The following DLGAP1 variants were observed in gnomAD, a reference collection of about 807,000 sequenced individuals.
DLGAP1 encodes the protein DLG associated protein 1.
Under a neutral mutation model 90.8 loss-of-function variants are expected in DLGAP1, and 11 were observed. That is an observed-to-expected ratio of 0.12 (90% CI 0.08 to 0.20). DLGAP1 has a LOEUF of 0.20. Ranked by LOEUF, DLGAP1 falls within the 10% of genes least tolerant of loss-of-function variation. The probability of loss-of-function intolerance (pLI) is 1.00; values close to 1 mark genes in which losing one functional copy is unlikely to be tolerated. For synonymous variants in DLGAP1, 558 were observed against 540.7 expected, an observed-to-expected ratio of 1.03 and a Z score of -0.44; for missense variants, 1,050 against 1,333.8, an observed-to-expected ratio of 0.79 and a Z score of 3.31.
intron 2 of DLGAP1, among the ~76,000 whole-genome samples, chr18:4,065,811 G>GA (rs886610674): frequency 1.1e-4 from 17 of 150,200 alleles, no homozygotes; most frequent in East Asian, 2.0e-4. Context: ...TGCAGAACTA[G>GA]AAAAAAAAAT....
chr18:3,611,468 T>C (rs892637389), intron 7 of DLGAP1, among the ~76,000 whole-genome samples: 1 of 152,106 alleles, frequency 6.6e-6, no homozygotes, highest in South Asian at 2.1e-4. Context: ...ACGGCAGCTG[T>C]CTCCAGATTC....
intron 7 of DLGAP1, among the ~76,000 whole-genome samples, chr18:3,690,105 T>G (rs552011408): frequency 1.9e-5 from 2 of 105,538 alleles, no homozygotes; most frequent in Non-Finnish European, 4.0e-5. Context: ...TTTTTTTTTT[T>G]TTTTTTTTTT....
At chr18:4,266,750 T>C (rs1208150238) in intron 1 of DLGAP1, among the ~76,000 whole-genome samples, 1 of 152,206 alleles carries the variant, frequency 6.6e-6, no homozygotes, top group Non-Finnish European at 1.5e-5. Context: ...TACATCCATG[T>C]CTTATGACAA....
At chr18:3,518,852 G>C (rs1299592627) in intron 10 of DLGAP1, among the ~76,000 whole-genome samples, 1 of 152,186 alleles carries the variant, frequency 6.6e-6, no homozygotes, top group African/African-American at 2.4e-5. Context: ...AAAAGGACAT[G>C]ATTTCTCCTG....
At chr18:4,201,871 T>C (rs543929041) in intron 1 of DLGAP1, among the ~76,000 whole-genome samples, 8 of 152,214 alleles carry the variant, frequency 5.3e-5, no homozygotes, top group Non-Finnish European at 2.9e-5. Context: ...TATATACTAT[T>C]AGGGGAATGT....
chr18:4,344,120 A>G (rs1314624645), intron 1 of DLGAP1, among the ~76,000 whole-genome samples: 2 of 152,240 alleles, frequency 1.3e-5, no homozygotes, highest in Non-Finnish European at 2.9e-5. Context: ...AACATCAGCA[A>G]TCATACCAGA....
chr18:3,738,180 G>A (rs375470275), intron 6 of DLGAP1, among the ~76,000 whole-genome samples: 3 of 149,436 alleles, frequency 2.0e-5, no homozygotes, highest in South Asian at 4.2e-4. Flanking sequence ...AATCAATATC[G>A]TGAAAATGGC....
intron 5 of DLGAP1, among the ~76,000 whole-genome samples, chr18:3,773,454 AG>A (rs1462562232): frequency 6.6e-6 from 1 of 152,238 alleles, no homozygotes; most frequent in Non-Finnish European, 1.5e-5. Context: ...AGTACCCTCT[AG>A]GAACAAAATG....
intron 5 of DLGAP1, among the ~76,000 whole-genome samples, chr18:3,797,282 C>T (rs762525903): frequency 2.0e-5 from 3 of 151,260 alleles, no homozygotes; most frequent in Non-Finnish European, 4.4e-5. Flanking sequence ...GCCGGGATCG[C>T]GCCACTGCAC....
At chr18:3,621,154 G>A (rs2058083996) in intron 7 of DLGAP1, among the ~76,000 whole-genome samples, 1 of 152,166 alleles carries the variant, frequency 6.6e-6, no homozygotes, top group African/African-American at 2.4e-5. Flanking sequence ...TGTAGTCCCA[G>A]CACTTTGGGA....
Position 3,879,599 on chromosome 18 carries a change from C to A in DLGAP1, c.470G>T (p.Gly157Val), listed in dbSNP as rs1257398942. 1 of 1,601,760 alleles carries A rather than the reference C, an allele frequency of 6.2e-7. No homozygotes were observed. The highest frequency in any genetic ancestry group is 8.5e-7 in the Non-Finnish European group (1 of 1,178,022). Residue 157 changes from glycine to valine, a missense_variant, in exon 4 of 13, where the codon GGG (glycine) becomes GTG (valine). This residue lies in a region of DLGAP1 where 485 missense variants were observed against 454.1 expected (regional missense o/e 1.07). Transcript: ENST00000315677. The surrounding 1 kb of genome is among the most constrained non-coding windows in gnomAD (Gnocchi z 6.6). ...CCCGTTGACGCTGCCCTTGGACGGCCCCTCCAGGGAGTGCGACTTGGTGAA... is the reference window on the plus strand; with the variant it reads ...CCCGTTGACGCTGCCCTTGGACGGCACCTCCAGGGAGTGCGACTTGGTGAA... ...KLFTKSHSLE[G>V]PSKGSVNGGK...
At chr18:3,862,954 T>C (rs1275850597) in intron 4 of DLGAP1, among the ~76,000 whole-genome samples, 1 of 152,226 alleles carries the variant, frequency 6.6e-6, no homozygotes, top group Non-Finnish European at 1.5e-5. Flanking sequence ...CTCTAATCAC[T>C]GGGACATCAC....
chr18:3,537,997 A>C lies in DLGAP1; in HGVS notation c.2058-3382T>G, dbSNP rs112706147. ...ATACACCAGATTATGTGGGATTTTA[A>C]AAAACTATCCTGGACTATGCTCTTG... is the stretch of plus-strand genomic sequence containing the variant. On this transcript the variant is annotated intron_variant, in intron 9 of 12. Coordinates refer to ENST00000315677, the MANE Select transcript of DLGAP1 (RefSeq NM_004746.4). Among the ~76,000 whole-genome samples, 6 of 152,342 alleles carry C rather than the reference A, an allele frequency of 3.9e-5. 1 individual carries two copies. The highest frequency in any genetic ancestry group is 1.2e-4 in the African/African-American group (5 of 41,572).
intron 3 of DLGAP1, among the ~76,000 whole-genome samples, chr18:3,923,546 GTTTTTATGTAGCCAAATTTATAAATA>G (rs1346627320): frequency 6.6e-6 from 1 of 151,828 alleles, no homozygotes; most frequent in African/African-American, 2.4e-5. Context: ...CTTGTTTGTT[GTTTTTATGTAGCCAAATTTATAAATA>G]TTTTACTTCA....
At chr18:4,391,035 C>T (rs1345562017) in intron 1 of DLGAP1, among the ~76,000 whole-genome samples, 1 of 152,086 alleles carries the variant, frequency 6.6e-6, no homozygotes, top group Non-Finnish European at 1.5e-5. Flanking sequence ...TTAGCCTATC[C>T]CGATTGACAC....
chr18:4,088,433 G>GCA (rs1227134105), intron 2 of DLGAP1, among the ~76,000 whole-genome samples: 41 of 151,242 alleles, frequency 2.7e-4, no homozygotes, highest in African/African-American at 9.7e-4. Flanking sequence ...TTTCCTTTGT[G>GCA]TGTGTGTGTG....
At chr18:4,067,376 G>A (rs2075385365) in intron 2 of DLGAP1, among the ~76,000 whole-genome samples, 1 of 151,908 alleles carries the variant, frequency 6.6e-6, no homozygotes, top group Non-Finnish European at 1.5e-5. Context: ...GAGGGAGGAA[G>A]GAAGGAAGGA....
chr18:3,921,090 A>G (rs1487936201), intron 3 of DLGAP1, among the ~76,000 whole-genome samples: 2 of 152,240 alleles, frequency 1.3e-5, no homozygotes, highest in South Asian at 2.1e-4. Context: ...CTATAGCTCA[A>G]TAGAAGTAGA....
chr18:4,163,792 A>G (rs1416633671), intron 1 of DLGAP1, among the ~76,000 whole-genome samples: 1 of 152,162 alleles, frequency 6.6e-6, no homozygotes, highest in Non-Finnish European at 1.5e-5. Flanking sequence ...ATTTTCTTCC[A>G]TACTTTTCTG....
Sources: gnomAD v4.1 joint callset for allele counts (sites outside exome capture counted in the v4.1 genomes callset) on GRCh38, gnomAD v4.1.1 for gene constraint, gnomAD v4.1.1 regional missense constraint, Gnocchi (gnomAD v3.1) non-coding constraint, MANE v1.5 for transcripts, NCBI Gene and HGNC (gene_info 2026-07-23, HGNC 2026-07-21) for gene names.